Variants in SYK observed in about 807,000 individuals in gnomAD.
SYK encodes the protein tyrosine-protein kinase SYK.
SYK carries 16 observed loss-of-function variants against 77.8 expected under a neutral mutation model. The ratio of observed to expected loss-of-function variants is 0.21; its 90% CI spans 0.14 to 0.31. The LOEUF (loss-of-function observed/expected upper bound fraction) is 0.31. Ranked by LOEUF, SYK falls within the 10% of genes least tolerant of loss-of-function variation. SYK has a pLI of 1.00. For missense variants in SYK, 529 were observed against 814.4 expected (o/e 0.65, Z 4.26); for synonymous variants, 312 against 308.7 (o/e 1.01, Z -0.11).
At chr9:90,806,278 C>CT (rs1824831069) in intron 1 of SYK, among the ~76,000 whole-genome samples, 1 of 152,102 alleles carries the variant, frequency 6.6e-6, no homozygotes, top group Non-Finnish European at 1.5e-5. Flanking sequence ...ATTTTTCTTT[C>CT]TTTTTTTCTA....
chr9:90,864,642 C>A lies in SYK; in HGVS notation c.771C>A (p.Val257=). The A allele has an allele frequency of 1.2e-6, 2 of 1,614,090 alleles. No individual in the cohort carries two copies. Among genetic ancestry groups the A allele is most frequent in the South Asian group, 2.2e-5 (2 of 91,080 alleles). Reference sequence around the variant, plus strand: ...ATGGTTTGTTAAGAGTTCTTACTGTCCCATGTCAAAAAATCGGCACACAGG... The same window carrying A: ...ATGGTTTGTTAAGAGTTCTTACTGTACCATGTCAAAAAATCGGCACACAGG... ...KADGLLRVLT[V]PCQKIGTQGN... Residue 257 remains valine, a synonymous_variant, in exon 5 of 14, where the codon GTC becomes GTA. Transcript: ENST00000375754.
In SYK at chr9:90,888,559, G is replaced by A; in HGVS notation, c.1767G>A (p.Glu589=). 1.2e-6 allele frequency: 2 copies of A among 1,613,246 alleles called. 1 individual carries two copies. The change falls in exon 13 of 14, where the codon GAG becomes GAA. Residue 589 remains glutamate, a synonymous_variant. Transcript: ENST00000375754. The part of the protein sequence containing the change: ...SEVTAMLEKG[E]RMGCPAGCPR... Reference sequence around the variant, plus strand: ...TCACCGCTATGTTAGAGAAAGGAGAGCGGATGGGGTGCCCTGCAGGGTGTC... The same window carrying A: ...TCACCGCTATGTTAGAGAAAGGAGAACGGATGGGGTGCCCTGCAGGGTGTC...
chr9:90,890,758 A>G (rs372810422), intron 13 of SYK, among the ~76,000 whole-genome samples: 79 of 152,362 alleles, frequency 5.2e-4, no homozygotes, highest in African/African-American at 1.9e-3. Context: ...AGTGACCTCA[A>G]ACAGGGTTGG....
chr9:90,888,938 G>C (rs543939838), intron 13 of SYK, among the ~76,000 whole-genome samples: 1 of 152,126 alleles, frequency 6.6e-6, no homozygotes, highest in African/African-American at 2.4e-5. Flanking sequence ...AAGAGTTTGG[G>C]GCTGGATGCC....
chr9:90,836,162 C>T (rs1431344144), intron 1 of SYK, among the ~76,000 whole-genome samples: 1 of 152,016 alleles, frequency 6.6e-6, no homozygotes, highest in African/African-American at 2.4e-5. Flanking sequence ...TGGTGGGCAC[C>T]TGTAATCCCA....
intron 7 of SYK, among the ~76,000 whole-genome samples, chr9:90,869,108 C>A (rs1485651711): frequency 2.6e-5 from 4 of 152,118 alleles, no homozygotes; most frequent in African/African-American, 4.8e-5. Context: ...TGCTGGTTGC[C>A]TCTGGAGTAA....
At chr9:90,892,517 A>G (rs974221211) in intron 13 of SYK, among the ~76,000 whole-genome samples, 5 of 152,156 alleles carry the variant, frequency 3.3e-5, no homozygotes, top group Admixed American at 1.3e-4. Context: ...GGGATGGCCC[A>G]TGCTTCACTC....
At chr9:90,844,425 C>A in intron 2 of SYK, 110 bp downstream of exon 2, 2 of 1,247,742 alleles carry the variant, frequency 1.6e-6, no homozygotes, top group Admixed American at 3.0e-5. Context: ...GCCCAAATAA[C>A]ACAACCATCT....
intron 7 of SYK, among the ~76,000 whole-genome samples, chr9:90,871,782 G>A (rs185769343): frequency 6.6e-6 from 1 of 152,226 alleles, no homozygotes; most frequent in Non-Finnish European, 1.5e-5. Context: ...GGGTAGGAGA[G>A]AGTTGATGTG....
intron 11 of SYK, among the ~76,000 whole-genome samples, chr9:90,882,888 C>G (rs1828211648): frequency 6.6e-6 from 1 of 152,118 alleles, no homozygotes; most frequent in Admixed American, 6.5e-5. Context: ...ATGAGAGATC[C>G]CCAGGGCTCC....
intron 1 of SYK, 180 bp downstream of exon 1, chr9:90,802,073 C>T (rs927365853): frequency 9.2e-5 from 14 of 152,394 alleles, no homozygotes; most frequent in African/African-American, 3.4e-4. Context: ...TGAACCTACC[C>T]GCGCTCGGGA....
rs576961536 is a variant in SYK, at chr9:90,841,918, G to A, written c.-41-1940G>A. Among the ~76,000 whole-genome samples the A allele has an allele frequency of 3.4e-5, 5 of 149,022 alleles. 1 individual carries two copies. Among genetic ancestry groups the A allele is most frequent in the Admixed American group, 2.7e-4 (4 of 14,960 alleles). On this transcript the variant is annotated intron_variant, in intron 1 of 13. Transcript: ENST00000375754. ...GGTGTGTGTGATGTGGGTAGTGTCC[G>A]TGTAGTACATGGTGTGTGTAGTGTG... is the stretch of plus-strand genomic sequence containing the variant.
intron 3 of SYK, 67 bp downstream of exon 3, chr9:90,845,661 G>A: frequency 6.4e-7 from 1 of 1,564,586 alleles, no homozygotes; most frequent in Non-Finnish European, 8.7e-7. Context: ...GAATAATTCA[G>A]CTTCCTTGTG....
intron 1 of SYK, among the ~76,000 whole-genome samples, chr9:90,840,663 T>A (rs1826271470): frequency 6.6e-6 from 1 of 152,038 alleles, no homozygotes; most frequent in African/African-American, 2.4e-5. Flanking sequence ...GTCTTTCTGT[T>A]AACAGCATTC....
At chr9:90,885,422 G>C (rs191558257) in intron 11 of SYK, among the ~76,000 whole-genome samples, 11 of 152,156 alleles carry the variant, frequency 7.2e-5, no homozygotes, top group Admixed American at 2.0e-4. Context: ...GACTAGATCA[G>C]GCAAAAGAAA....
chr9:90,894,391 A>T (rs1828903035), intron 13 of SYK, among the ~76,000 whole-genome samples: 2 of 152,214 alleles, frequency 1.3e-5, no homozygotes, highest in South Asian at 4.1e-4. Flanking sequence ...GACCACACTG[A>T]TCAATTCGAG....
intron 1 of SYK, among the ~76,000 whole-genome samples, chr9:90,803,257 A>T (rs1824677831): frequency 6.6e-6 from 1 of 152,136 alleles, no homozygotes; most frequent in African/African-American, 2.4e-5. Context: ...TTTAAAGTGT[A>T]TTTGAATGAG....
intron 3 of SYK, among the ~76,000 whole-genome samples, chr9:90,851,419 T>C (rs1826815663): frequency 1.3e-5 from 2 of 152,204 alleles, no homozygotes; most frequent in Admixed American, 1.3e-4. Context: ...ACAGAGGCTC[T>C]TTGTGGAGGG....
chr9:90,838,491 T>A (rs1294916186), intron 1 of SYK, among the ~76,000 whole-genome samples: 1 of 152,214 alleles, frequency 6.6e-6, no homozygotes, highest in Non-Finnish European at 1.5e-5. Context: ...CACATTTAAC[T>A]TGTGTCACAA....
Sources: gnomAD v4.1 joint callset for allele counts (sites outside exome capture counted in the v4.1 genomes callset) on GRCh38, gnomAD v4.1.1 for gene constraint, MANE v1.5 for transcripts, NCBI Gene and HGNC (gene_info 2026-07-23, HGNC 2026-07-21) for gene names.